Variants in RANBP2 observed in about 807,000 individuals in gnomAD.
RANBP2 encodes E3 SUMO-protein ligase RanBP2.
In RANBP2, 57 loss-of-function variants were observed where a neutral mutation model predicts 303.6. The ratio of observed to expected loss-of-function variants is 0.19; its 90% CI spans 0.15 to 0.23. The LOEUF (loss-of-function observed/expected upper bound fraction) is 0.23, where lower values mean the gene tolerates loss of function less well. Ranked by LOEUF, RANBP2 falls within the 10% of genes least tolerant of loss-of-function variation. The probability of loss-of-function intolerance (pLI) is 1.00; values close to 1 mark genes in which losing one functional copy is unlikely to be tolerated. For missense variants in RANBP2, 3,138 were observed against 3,780.8 expected, an observed-to-expected ratio of 0.83 and a Z score of 4.46; for synonymous variants, 1,167 against 1,301.5, an observed-to-expected ratio of 0.90 and a Z score of 2.23.
At chr2:109,431,509 C>T in the RANBP2 span, among the ~76,000 whole-genome samples, 1 of 152,114 alleles carries the variant, frequency 6.6e-6, no homozygotes, top group African/African-American at 2.4e-5. Flanking sequence ...GTAGCTTGGC[C>T]CATGGGCTGA....
At chr2:109,268,426 C>A in the RANBP2 span, among the ~76,000 whole-genome samples, 9 of 152,060 alleles carry the variant, frequency 5.9e-5, no homozygotes, top group African/African-American at 2.2e-4. Flanking sequence ...TCTGTCCTCT[C>A]CCATCCTGTC....
At chr2:108,949,193 A>C in the RANBP2 span, among the ~76,000 whole-genome samples, 2 of 152,084 alleles carry the variant, frequency 1.3e-5, no homozygotes, top group Non-Finnish European at 2.9e-5. Context: ...TGTTGCCGAC[A>C]CTGGTGGTGT....
chr2:108,896,856 C>A, the RANBP2 span: 2 of 1,562,686 alleles, frequency 1.3e-6, no homozygotes, highest in Admixed American at 1.8e-5. Context: ...GCTCCAGAGC[C>A]CTCGTTGGCT....
the RANBP2 span, among the ~76,000 whole-genome samples, chr2:108,962,795 G>A: frequency 4.7e-5 from 7 of 150,510 alleles, no homozygotes; most frequent in African/African-American, 9.8e-5. Flanking sequence ...AAAACCAACC[G>A]CAGTACCATT....
chr2:109,111,919 G>A, the RANBP2 span, among the ~76,000 whole-genome samples: 2 of 151,916 alleles, frequency 1.3e-5, no homozygotes, highest in Non-Finnish European at 2.9e-5. Flanking sequence ...TACTGAGAAT[G>A]ATGATTTCCA....
chr2:108,976,766 G>GACATACTACCA, the RANBP2 span, among the ~76,000 whole-genome samples: 1 of 151,990 alleles, frequency 6.6e-6, no homozygotes, highest in Non-Finnish European at 1.5e-5. Context: ...CTTTTAGTTG[G>GACATACTACCA]TTTGTGTGTC....
chr2:108,982,506 T>C, the RANBP2 span, among the ~76,000 whole-genome samples: 2 of 152,244 alleles, frequency 1.3e-5, no homozygotes, highest in Admixed American at 6.5e-5. Flanking sequence ...CAACATTCTG[T>C]TGTACTTCAT....
chr2:109,319,715 G>C, the RANBP2 span, among the ~76,000 whole-genome samples: 1 of 152,220 alleles, frequency 6.6e-6, no homozygotes, highest in African/African-American at 2.4e-5. Flanking sequence ...GAGCCAAATG[G>C]TGTGGGCAGG....
chr2:109,128,422 AG>A, the RANBP2 span: 1 of 152,076 alleles, frequency 6.6e-6, no homozygotes, highest in Non-Finnish European at 1.5e-5. Flanking sequence ...GCCTGGCGCC[AG>A]GGTGCTGGTC....
chr2:109,577,597 T>TA, the RANBP2 span, among the ~76,000 whole-genome samples: 49 of 127,940 alleles, frequency 3.8e-4, no homozygotes, highest in Admixed American at 2.9e-3. Flanking sequence ...ACCTCAAAAT[T>TA]TAAAAAAAAA....
the RANBP2 span, among the ~76,000 whole-genome samples, chr2:109,637,262 G>A: frequency 2.6e-4 from 40 of 152,050 alleles, 1 homozygote; most frequent in South Asian, 7.9e-3. Flanking sequence ...ACCATAGGGC[G>A]GTTTTTCTCT....
the RANBP2 span, chr2:109,501,899 C>T: frequency 3.9e-6 from 2 of 514,134 alleles, no homozygotes; most frequent in Admixed American, 3.1e-5. Flanking sequence ...AAATGCCCAC[C>T]CCCTCTGTGG....
the RANBP2 span, among the ~76,000 whole-genome samples, chr2:109,529,257 G>A: frequency 1.3e-5 from 2 of 152,288 alleles, no homozygotes; most frequent in East Asian, 1.9e-4. Flanking sequence ...GGGATGGGGT[G>A]GGTTTGTTTG....
chr2:108,841,687 TTGTCAAGCTC>T, the RANBP2 span, among the ~76,000 whole-genome samples: 1 of 152,156 alleles, frequency 6.6e-6, no homozygotes, highest in African/African-American at 2.4e-5. Context: ...AAAATAAACT[TTGTCAAGCTC>T]TGTTTTAATT....
the RANBP2 span, among the ~76,000 whole-genome samples, chr2:108,996,538 A>G: frequency 3.3e-5 from 5 of 152,206 alleles, no homozygotes; most frequent in Admixed American, 6.5e-5. Context: ...TCAACAATGA[A>G]ATACATACCC....
At chr2:109,520,105 C>T in the RANBP2 span, among the ~76,000 whole-genome samples, 1 of 152,264 alleles carries the variant, frequency 6.6e-6, no homozygotes. Flanking sequence ...TCCTGTGATA[C>T]GGTACTACGT....
chr2:109,482,229 C>T, the RANBP2 span, among the ~76,000 whole-genome samples: 10 of 152,146 alleles, frequency 6.6e-5, no homozygotes, highest in Admixed American at 6.5e-4. Context: ...ATGGGCAAGA[C>T]TTAGGACAGT....
chr2:109,326,566 T>C, the RANBP2 span, among the ~76,000 whole-genome samples: 1 of 152,202 alleles, frequency 6.6e-6, no homozygotes, highest in Non-Finnish European at 1.5e-5. Flanking sequence ...CATCTCATTG[T>C]GGTTTAATTT....
the RANBP2 span, among the ~76,000 whole-genome samples, chr2:109,530,647 C>T: frequency 6.6e-6 from 1 of 152,214 alleles, no homozygotes; most frequent in South Asian, 2.1e-4. Context: ...GGGGCATGTG[C>T]TGTCTCTGGG....
Sources: allele counts gnomAD v4.1 joint callset (sites outside exome capture counted in the v4.1 genomes callset), GRCh38; gene constraint gnomAD v4.1.1; transcripts MANE v1.5; gene names NCBI Gene and HGNC (gene_info 2026-07-23, HGNC 2026-07-21).